Variants in SHROOM3 observed in about 807,000 individuals in gnomAD.
SHROOM3 encodes shroom family member 3, also known as protein Shroom3.
SHROOM3 carries 47 observed loss-of-function variants against 138.6 expected under a neutral mutation model. The observed-to-expected ratio is 0.34, with a 90% confidence interval of 0.27 to 0.43. The LOEUF (loss-of-function observed/expected upper bound fraction) is 0.43. Ranked by LOEUF, SHROOM3 falls within the 20% of genes least tolerant of loss-of-function variation. The pLI is 1.00. For synonymous variants in SHROOM3, 1,062 were observed against 1,063.3 expected, an observed-to-expected ratio of 1.00 and a Z score of 0.02; for missense variants, 2,491 against 2,596.5, an observed-to-expected ratio of 0.96 and a Z score of 0.88.
At chr4:76,612,872 T>C (rs1734793368) in intron 2 of SHROOM3, among the ~76,000 whole-genome samples, 1 of 152,170 alleles carries the variant, frequency 6.6e-6, no homozygotes, top group Non-Finnish European at 1.5e-5. Context: ...GCCAGGAGTT[T>C]GAGTTTGCAG....
intron 1 of SHROOM3, among the ~76,000 whole-genome samples, chr4:76,513,939 A>G (rs1196789399): frequency 6.6e-6 from 1 of 152,196 alleles, no homozygotes; most frequent in African/African-American, 2.4e-5. Context: ...GTAGGGGTAG[A>G]ACCCTTCAGT....
At chr4:76,613,864 T>C (rs1003199811) in intron 2 of SHROOM3, among the ~76,000 whole-genome samples, 3 of 152,180 alleles carry the variant, frequency 2.0e-5, no homozygotes, top group African/African-American at 7.2e-5. Context: ...CTATATCATA[T>C]AATCACAGAG....
At position 76,739,747 on chromosome 4, in the gene SHROOM3, G is replaced by A; in HGVS notation, c.1574G>A (p.Arg525Lys). 1 of 1,614,220 alleles carries A rather than the reference G, an allele frequency of 6.2e-7. No individual in the cohort carries two copies. Among genetic ancestry groups the A allele is most frequent in the Non-Finnish European group, 8.5e-7 (1 of 1,180,042 alleles). The stretch of plus-strand genomic sequence containing the variant: ...AATGGGAACCAGAATGGATCTGGCA[G>A]GCCTGGGTTTGCCTTCTGCCAGCCC... The part of the protein sequence containing the change: ...DENGNQNGSG[R>K]PGFAFCQPLE... Residue 525 changes from arginine (R) to lysine (K), a missense_variant, in exon 5 of 11, where the codon AGG becomes AAG. By Grantham distance (26) the Arg-to-Lys change is conservative. Coordinates refer to ENST00000296043, the MANE Select transcript of SHROOM3 (RefSeq NM_020859.4).
intron 2 of SHROOM3, 155 bp from the exon 3 acceptor site, chr4:76,710,001 T>C (rs1720182265): frequency 9.3e-6 from 8 of 858,262 alleles, no homozygotes; most frequent in Non-Finnish European, 1.1e-5. Flanking sequence ...CAGAGAACTT[T>C]GTTAGGTGCA....
chr4:76,709,642 C>T (rs1489448286), intron 2 of SHROOM3: 3 of 173,524 alleles, frequency 1.7e-5, no homozygotes, highest in Non-Finnish European at 3.7e-5. Flanking sequence ...TCTGAAATAG[C>T]TCAAGCTCAA....
intron 2 of SHROOM3, among the ~76,000 whole-genome samples, chr4:76,557,725 T>C (rs556573820): frequency 1.3e-5 from 2 of 152,348 alleles, no homozygotes; most frequent in Admixed American, 1.3e-4. Flanking sequence ...ACACTTTGAA[T>C]ATATGCAATT....
intron 1 of SHROOM3, among the ~76,000 whole-genome samples, chr4:76,494,646 C>T (rs1373665286): frequency 6.6e-6 from 1 of 152,206 alleles, no homozygotes; most frequent in African/African-American, 2.4e-5. Context: ...GGTGCCTGAT[C>T]GTAAGGGGGT....
intron 2 of SHROOM3, among the ~76,000 whole-genome samples, chr4:76,693,488 A>G (rs1719631845): frequency 6.7e-6 from 1 of 148,434 alleles, no homozygotes; most frequent in South Asian, 2.2e-4. Context: ...GGTTCAAGCG[A>G]TTCTCCTGCC....
In SHROOM3 at chr4:76,782,916, A is replaced by G. The variant is rs1056115790; in HGVS notation, c.*3739A>G. On this transcript the variant is annotated 3_prime_UTR_variant, in exon 11 of 11. Coordinates refer to ENST00000296043, the MANE Select transcript of SHROOM3 (RefSeq NM_020859.4). The stretch of plus-strand genomic sequence containing the variant: ...GTTGTCTTATTAATTTTTAAATAAA[A>G]CTTCACATTTCTTAATGGGGAGCTC... 2.0e-5 allele frequency: 3 copies of G among 152,354 alleles called. No homozygotes were observed. Among genetic ancestry groups the G allele is most frequent in the Admixed American group, 1.3e-4 (2 of 15,306 alleles). 9.4% of individuals were successfully genotyped at this position (152,354 alleles called of 1,614,324 possible).
chr4:76,605,444 G>C (rs984020498), intron 2 of SHROOM3, among the ~76,000 whole-genome samples: 1 of 152,178 alleles, frequency 6.6e-6, no homozygotes, highest in Non-Finnish European at 1.5e-5. Context: ...AACTAGGCAT[G>C]CCTTTTAGCC....
At chr4:76,672,504 A>G (rs1327980383) in intron 2 of SHROOM3, among the ~76,000 whole-genome samples, 1 of 151,988 alleles carries the variant, frequency 6.6e-6, no homozygotes, top group Non-Finnish European at 1.5e-5. Flanking sequence ...CTATGTGGCA[A>G]GTTGACTTGA....
chr4:76,759,556 A>G lies in SHROOM3; in HGVS notation c.5210A>G (p.Lys1737Arg), dbSNP rs754850026. The G allele has an allele frequency of 1.9e-6, 3 of 1,614,156 alleles. No individual in the cohort carries two copies. The highest frequency in any genetic ancestry group is 2.2e-5 in the East Asian group (1 of 44,888). Reference protein sequence around the residue: ...SGCEGKRNEDKEAVSMLVNCP... With the variant: ...SGCEGKRNEDREAVSMLVNCP... Reference sequence around the variant, plus strand: ...TCTTTTTGGCCCAGGAATGAAGACAAGGAAGCAGTGAGCATGTTGGTTAAC... The same window carrying G: ...TCTTTTTGGCCCAGGAATGAAGACAGGGAAGCAGTGAGCATGTTGGTTAAC... Residue 1737 changes from lysine (K) to arginine (R), a missense_variant, in exon 9 of 11, where the codon AAG (lysine) becomes AGG (arginine). Transcript: ENST00000296043.
intron 2 of SHROOM3, among the ~76,000 whole-genome samples, chr4:76,680,819 A>G (rs917226626): frequency 9.2e-5 from 14 of 152,250 alleles, no homozygotes; most frequent in African/African-American, 3.4e-4. Flanking sequence ...TCTGCTTCAG[A>G]GACTACACTT....
chr4:76,661,551 T>C (rs746841918), intron 2 of SHROOM3, among the ~76,000 whole-genome samples: 1 of 152,180 alleles, frequency 6.6e-6, no homozygotes, highest in Non-Finnish European at 1.5e-5. Context: ...TCCATTTTTA[T>C]CACCAGATAA....
chr4:76,604,242 T>C (rs887449594), intron 2 of SHROOM3, among the ~76,000 whole-genome samples: 2 of 152,222 alleles, frequency 1.3e-5, no homozygotes, highest in Admixed American at 1.3e-4. Flanking sequence ...TTTAGCCTGT[T>C]GTAATACTTG....
At chr4:76,624,065 A>G (rs1462861086) in intron 2 of SHROOM3, among the ~76,000 whole-genome samples, 2 of 152,210 alleles carry the variant, frequency 1.3e-5, no homozygotes, top group Non-Finnish European at 2.9e-5. Context: ...AATATTTTTC[A>G]AATATCCGCT....
Position 76,594,549 on chromosome 4 carries a change from G to C in SHROOM3, c.323+38786G>C, listed in dbSNP as rs78765603. Among the ~76,000 whole-genome samples, 958 of 152,240 alleles carry C rather than the reference G, an allele frequency of 6.3e-3. 5 individuals carry two copies. Among genetic ancestry groups the C allele is most frequent in the African/African-American group, 0.021 (892 of 41,538 alleles). On this transcript the variant is annotated intron_variant, in intron 2 of 10. Transcript: ENST00000296043. ...TTAAAAAACATAAAATTAGAGGTGA[G>C]GACATCATGGGACAATTACAGTGTT...
chr4:76,570,942 G>T (rs778474219), intron 2 of SHROOM3, among the ~76,000 whole-genome samples: 17 of 152,288 alleles, frequency 1.1e-4, no homozygotes, highest in Admixed American at 8.5e-4. Flanking sequence ...GATTGGACTG[G>T]ATTACTGAGC....
intron 2 of SHROOM3, among the ~76,000 whole-genome samples, chr4:76,624,834 T>A (rs1251832865): frequency 6.6e-6 from 1 of 152,228 alleles, no homozygotes; most frequent in East Asian, 1.9e-4. Context: ...TAAGACTTGC[T>A]ATGTTTACAA....
Sources: allele counts gnomAD v4.1 joint callset (sites outside exome capture counted in the v4.1 genomes callset), GRCh38; gene constraint gnomAD v4.1.1; transcripts MANE v1.5; gene names NCBI Gene and HGNC (gene_info 2026-07-23, HGNC 2026-07-21).